The following ZNF318 variants were observed in gnomAD, a reference collection of about 807,000 sequenced individuals.
ZNF318 encodes zinc finger protein 318, also known as endocrine regulator.
In ZNF318, 51 loss-of-function variants were observed where a neutral mutation model predicts 124.2. That is an observed-to-expected ratio of 0.41 (90% CI 0.33 to 0.52). The LOEUF (loss-of-function observed/expected upper bound fraction) is 0.52, where lower values mean the gene tolerates loss of function less well. ZNF318 is among the 20% of genes least tolerant of loss of function. The pLI is 0.23. For synonymous variants in ZNF318, 1,090 were observed against 1,040.7 expected (o/e 1.05, Z -0.91); for missense variants, 2,815 against 2,811.2 (o/e 1.00, Z -0.03).
chr6:43,366,752 G>A (rs1019555831), intron 1 of ZNF318, among the ~76,000 whole-genome samples: 2 of 152,176 alleles, frequency 1.3e-5, no homozygotes, highest in Non-Finnish European at 2.9e-5. Flanking sequence ...ACTGCAGTGA[G>A]CTATGATCAC....
rs375260628 is a variant in ZNF318, at chr6:43,354,660, T to G, written c.2670+4A>C. On this transcript the variant is annotated splice_donor_region_variant and intron_variant, in intron 4 of 9. Coordinates refer to ENST00000361428, the MANE Select transcript of ZNF318 (RefSeq NM_014345.3). The stretch of plus-strand genomic sequence containing the variant: ...GGCACAGGATACCCAAAGCTAATAT[T>G]CACCTTTTGCTTCTGGGAAGCACGG... 5 of 1,589,404 alleles carry G rather than the reference T, an allele frequency of 3.1e-6. No homozygotes were observed. The African/African-American group carries it at 4.1e-5, about 13-fold the overall frequency.
At chr6:43,341,022 T>A in intron 8 of ZNF318, 114 bp from the exon 9 acceptor site, 1 of 744,688 alleles carries the variant, frequency 1.3e-6, no homozygotes, top group South Asian at 1.6e-5. Context: ...TAGAGGGCCT[T>A]ACCCACTTTG....
chr6:43,353,519 C>G (rs550209516), intron 4 of ZNF318, among the ~76,000 whole-genome samples: 1 of 151,954 alleles, frequency 6.6e-6, no homozygotes, highest in Non-Finnish European at 1.5e-5. Context: ...GGACTACAGG[C>G]GCGTGCCACC....
chr6:43,356,983 A>G lies in ZNF318; in HGVS notation c.1188+143T>C, dbSNP rs1237874062. 3.2e-6 allele frequency: 3 copies of G among 934,244 alleles called. No individual in the cohort carries two copies. In the African/African-American group the frequency reaches 5.0e-5, roughly 16 times the overall value. The allele number at this position is 934,244 out of a possible 1,614,324, so 57.9% of individuals were successfully genotyped here. On this transcript the variant is annotated intron_variant, in intron 3 of 9. Coordinates refer to ENST00000361428, the MANE Select transcript of ZNF318 (RefSeq NM_014345.3). ...TTAAAAGGCCTACAGTTTCGTTTGG[A>G]GAGTCCTAGAAGGTGTAGCTCACAA... is the stretch of plus-strand genomic sequence containing the variant.
chr6:43,340,596 TC>T, intron 9 of ZNF318, 94 bp from the exon 10 acceptor site: 1 of 1,491,420 alleles, frequency 6.7e-7, no homozygotes, highest in East Asian at 2.4e-5. Flanking sequence ...TTAGTAGAAA[TC>T]CCCAGAATTA....
chr6:43,366,067 A>T (rs1375468288), intron 1 of ZNF318, among the ~76,000 whole-genome samples: 5 of 152,170 alleles, frequency 3.3e-5, no homozygotes, highest in Admixed American at 3.3e-4. Flanking sequence ...TCTTCTGGTA[A>T]GTGCTATAGT....
At chr6:43,350,759 G>T (rs1779513581) in intron 5 of ZNF318, among the ~76,000 whole-genome samples, 4 of 152,098 alleles carry the variant, frequency 2.6e-5, no homozygotes. Context: ...AGTGAGCTGA[G>T]ATCATGCCAC....
rs1195990608 is a variant in ZNF318 at position 43,339,007 on chromosome 6, G to A, written c.4991C>T (p.Pro1664Leu). ...GKWSVVEHVG[P>L]KSTGSTYGFL... is the part of the protein sequence containing the mutation. ...GCCATAGGTGCTGCCTGTGCTTTTT[G>A]GGCCTACATGTTCTACAACTGACCA... The change falls in exon 10 of 10, where the codon CCA becomes CTA. Residue 1664 changes from proline to leucine, a missense_variant. Pro to Leu is a moderately conservative substitution (Grantham distance 98). Around this residue, in one of 4 missense-constraint regions of ZNF318, gnomAD observed 927 missense variants for 820.6 expected, o/e 1.13. Transcript: ENST00000361428. This position sits in a 1 kb window ranked among gnomAD's most constrained non-coding sequence, Gnocchi z 4.2. The A allele has an allele frequency of 6.2e-7, 1 of 1,614,010 alleles. No individual in the cohort carries two copies. Among genetic ancestry groups the A allele is most frequent in the African/African-American group, 1.3e-5 (1 of 74,906 alleles).
chr6:43,369,388 G>A lies in ZNF318; in HGVS notation c.-23C>T. On this transcript the variant is annotated 5_prime_UTR_variant, in exon 1 of 10. Coordinates refer to ENST00000361428, the MANE Select transcript of ZNF318 (RefSeq NM_014345.3). ...CATGGTTCTTGCAGCGGCGGCCACGGCGACAGCTCTGACCCGGGGGCGCCC... is the reference window on the plus strand; with the variant it reads ...CATGGTTCTTGCAGCGGCGGCCACGACGACAGCTCTGACCCGGGGGCGCCC... The A allele has an allele frequency of 8.1e-7, 1 of 1,227,364 alleles. No homozygotes were observed. Among genetic ancestry groups the A allele is most frequent in the Non-Finnish European group, 1.0e-6 (1 of 980,232 alleles). The allele number at this position is 1,227,364 out of a possible 1,614,324, so 76.0% of individuals were successfully genotyped here.
intron 5 of ZNF318, among the ~76,000 whole-genome samples, chr6:43,351,998 G>T (rs1270786912): frequency 1.3e-5 from 2 of 151,960 alleles, no homozygotes. Context: ...AAAAAAATTA[G>T]CTGGGCATGG....
chr6:43,363,867 C>G (rs753444069), intron 2 of ZNF318: 147 of 777,566 alleles, frequency 1.9e-4, no homozygotes, highest in South Asian at 2.9e-4. Context: ...CCACTGCCAC[C>G]TGCGGGGCCA....
rs1318102731 is a variant in ZNF318 at position 43,355,855 on chromosome 6, G to A, written c.1479C>T (p.Phe493=). ...KAEGPERHTD[F]LLPHERASQD... is the part of the protein sequence containing the mutation. ...GGCTAGCTCTCTCATGGGGCAGCAG[G>A]AAGTCTGTGTGTCGCTCAGGTCCCT... is the stretch of plus-strand genomic sequence containing the variant. Residue 493 remains phenylalanine, a synonymous_variant, in exon 4 of 10, where the codon TTC becomes TTT. Transcript: ENST00000361428. The A allele has an allele frequency of 1.2e-6, 2 of 1,614,256 alleles. No homozygotes were observed. The highest frequency in any genetic ancestry group is 1.7e-5 in the Admixed American group (1 of 60,026).
chr6:43,346,394 T>C (rs1410917612), intron 6 of ZNF318, among the ~76,000 whole-genome samples: 5 of 151,624 alleles, frequency 3.3e-5, no homozygotes, highest in Non-Finnish European at 7.4e-5. Context: ...GGCAGAAGAA[T>C]TGCTTGAACC....
intron 5 of ZNF318, among the ~76,000 whole-genome samples, chr6:43,349,783 T>C (rs1467653692): frequency 6.6e-6 from 1 of 152,130 alleles, no homozygotes; most frequent in Non-Finnish European, 1.5e-5. Context: ...TTTGTGTGTG[T>C]GTGCCAAATT....
At chr6:43,359,340 C>T (rs986448878) in intron 2 of ZNF318, among the ~76,000 whole-genome samples, 1 of 152,160 alleles carries the variant, frequency 6.6e-6, no homozygotes, top group African/African-American at 2.4e-5. Flanking sequence ...GATGGGACAG[C>T]TATTCTTTTA....
Position 43,339,042 on chromosome 6 carries a change from G to A in ZNF318, c.4956C>T (p.Ala1652=). The A allele has an allele frequency of 6.2e-7, 1 of 1,614,116 alleles. No individual in the cohort carries two copies. The highest frequency in any genetic ancestry group is 2.2e-5 in the East Asian group (1 of 44,884). ...GTTCTACAACTGACCATTTCCCTAGGGCCACCAGAGTTTTTGCAATGGGCT... is the reference window on the plus strand; with the variant it reads ...GTTCTACAACTGACCATTTCCCTAGAGCCACCAGAGTTTTTGCAATGGGCT... The part of the protein sequence containing the change: ...SEKPIAKTLV[A]LGKWSVVEHV... Residue 1652 remains alanine, a synonymous_variant, in exon 10 of 10, where the codon GCC becomes GCT. Coordinates refer to ENST00000361428, the MANE Select transcript of ZNF318 (RefSeq NM_014345.3). The surrounding 1 kb of genome is among the most constrained non-coding windows in gnomAD (Gnocchi z 4.2).
chr6:43,365,501 ACT>A, intron 1 of ZNF318, 61 bp from the exon 2 acceptor site: 1 of 1,533,244 alleles, frequency 6.5e-7, no homozygotes, highest in Non-Finnish European at 8.8e-7. Flanking sequence ...ACATCCAAAA[ACT>A]CTCCTCCCTA....
At position 43,356,113 on chromosome 6, in the gene ZNF318, G is replaced by C. The variant is rs753148659; in HGVS notation, c.1221C>G (p.Ser407Arg). 2 of 1,613,628 alleles carry C rather than the reference G, an allele frequency of 1.2e-6. No homozygotes were observed. The highest frequency in any genetic ancestry group is 1.7e-6 in the Non-Finnish European group (2 of 1,179,844). ...GCCCAGAGTAGAGAGGGTGATCCTG[G>C]CTGGAGCTGGTACTGCTGGAAAAAC... ...LESFSSSTSS[S>R]QDHPLYSGHP... Residue 407 changes from serine to arginine, a missense_variant, in exon 4 of 10, where the codon AGC (serine) becomes AGG (arginine). Ser to Arg is a moderately radical substitution (Grantham distance 110). Around this residue, in one of 4 missense-constraint regions of ZNF318, gnomAD observed 1,377 missense variants for 1,353.5 expected, o/e 1.02. Coordinates refer to ENST00000361428, the MANE Select transcript of ZNF318 (RefSeq NM_014345.3).
At position 43,340,040 on chromosome 6, in the gene ZNF318, T is replaced by G. The variant is rs764945945; in HGVS notation, c.3958A>C (p.Ile1320Leu). 6.2e-7 allele frequency: 1 copy of G among 1,614,214 alleles called. No homozygotes were observed. Among genetic ancestry groups the G allele is most frequent in the South Asian group, 1.1e-5 (1 of 91,084 alleles). The change falls in exon 10 of 10, where the codon ATC (isoleucine) becomes CTC (leucine). Residue 1320 changes from isoleucine to leucine, a missense_variant. By Grantham distance (5) the Ile-to-Leu change is conservative. Transcript: ENST00000361428. ...GKTEAGKAKP[I>L]KIKLSGKTVV... ...GTTTTCCCAGAGAGCTTGATTTTGA[T>G]AGGCTTTGCCTTCCCAGCTTCAGTT...
Sources: allele counts gnomAD v4.1 joint callset (sites outside exome capture counted in the v4.1 genomes callset), GRCh38; gene constraint gnomAD v4.1.1; regional missense constraint gnomAD v4.1.1; non-coding constraint Gnocchi (gnomAD v3.1); transcripts MANE v1.5; gene names NCBI Gene and HGNC (gene_info 2026-07-23, HGNC 2026-07-21).